DUSP15: variants seen among roughly 807,000 people sequenced by gnomAD.
The protein encoded by DUSP15 is dual specificity protein phosphatase 15.
DUSP15 carries 23 observed loss-of-function variants against 26.3 expected under a neutral mutation model. The ratio of observed to expected loss-of-function variants is 0.87; its 90% confidence interval spans 0.63 to 1.24. DUSP15 has a LOEUF of 1.24. DUSP15 is among the 50% of genes most tolerant of loss of function. The probability of loss-of-function intolerance (pLI) is 0.00; values close to 1 mark genes in which losing one functional copy is unlikely to be tolerated. For missense variants in DUSP15, 364 were observed against 320.6 expected (o/e 1.14, Z -1.03); for synonymous variants, 143 against 135.5 (o/e 1.06, Z -0.39).
chr20:31,848,445 G>A (rs753301875), exon 10 of DUSP15: 6 of 1,611,972 alleles, frequency 3.7e-6, no homozygotes, highest in African/African-American at 2.7e-5. Context: ...TTAGGATGGA[G>A]GCAGCTGCAT....
rs987868670 is a variant in DUSP15 at position 31,861,330 on chromosome 20, G to T, written c.*73C>A. On this transcript the variant is annotated 3_prime_UTR_variant, in exon 7 of 7. Coordinates refer to ENST00000339738, the MANE Select transcript of DUSP15 (RefSeq NM_080611.5). Reference sequence around the variant, plus strand: ...TCCCCCAGCCTCTGGGCCCGTCCTGGGGGGCGTGGAAGGCGCAGACAGCCC... The same window carrying T: ...TCCCCCAGCCTCTGGGCCCGTCCTGTGGGGCGTGGAAGGCGCAGACAGCCC... 6 of 1,421,042 alleles carry T rather than the reference G, an allele frequency of 4.2e-6. No individual in the cohort carries two copies. The African/African-American group carries it at 7.4e-5, about 18-fold the overall frequency. The allele number at this position is 1,421,042 out of a possible 1,614,324, so 88.0% of individuals were successfully genotyped here. A position where few individuals can be genotyped will look rare whatever the true frequency, so the allele number is the denominator to read the frequency against.
chr20:31,865,639 C>A (rs1017272704), intron 3 of DUSP15, among the ~76,000 whole-genome samples: 1 of 152,198 alleles, frequency 6.6e-6, no homozygotes, highest in Non-Finnish European at 1.5e-5. Flanking sequence ...GGGCCAGGCC[C>A]GTCACTGGCA....
intron 6 of DUSP15, chr20:31,850,734 TAAG>T: frequency 6.4e-7 from 1 of 1,561,060 alleles, no homozygotes; most frequent in South Asian, 1.2e-5. Flanking sequence ...GACCCATAGA[TAAG>T]GAGGAGGCCA....
intron 2 of DUSP15, among the ~76,000 whole-genome samples, chr20:31,869,353 C>T (rs2062857554): frequency 6.6e-6 from 1 of 152,200 alleles, no homozygotes; most frequent in South Asian, 2.1e-4. Context: ...GTGTCAGGCC[C>T]CCATGCTCCC....
At chr20:31,852,531 C>T (rs1374160041) in intron 6 of DUSP15, among the ~76,000 whole-genome samples, 1 of 152,188 alleles carries the variant, frequency 6.6e-6, no homozygotes, top group African/African-American at 2.4e-5. Flanking sequence ...GAGATGTTGG[C>T]CGGGCATGGT....
downstream of DUSP15, among the ~76,000 whole-genome samples, chr20:31,856,224 A>C (rs2062559867): frequency 6.6e-6 from 1 of 152,220 alleles, no homozygotes; most frequent in African/African-American, 2.4e-5. Flanking sequence ...TAAAGACATG[A>C]AACATTTAGA....
At chr20:31,855,436 A>G (rs1010321998) in intron 6 of DUSP15, among the ~76,000 whole-genome samples, 5 of 152,240 alleles carry the variant, frequency 3.3e-5, no homozygotes, top group Non-Finnish European at 5.9e-5. Flanking sequence ...GGTGGGGGAA[A>G]GAGCAAGAGA....
intron 6 of DUSP15, chr20:31,850,788 G>T: frequency 8.7e-7 from 1 of 1,143,004 alleles, no homozygotes; most frequent in Non-Finnish European, 1.3e-6. Flanking sequence ...AGTCCTTACT[G>T]TGGTCAACCA....
downstream of DUSP15, among the ~76,000 whole-genome samples, chr20:31,860,846 A>C (rs2062633256): frequency 6.6e-6 from 1 of 152,052 alleles, no homozygotes; most frequent in South Asian, 2.1e-4. Flanking sequence ...CAGGCGGGAC[A>C]CCGTGGCTTT....
intron 8 of DUSP15, chr20:31,849,604 C>T (rs1458445201): frequency 2.8e-6 from 4 of 1,431,738 alleles, no homozygotes; most frequent in East Asian, 2.4e-5. Flanking sequence ...TGTTGGGCTG[C>T]GCCAGTACAG....
At chr20:31,851,380 A>G (rs922741054) in intron 6 of DUSP15, among the ~76,000 whole-genome samples, 5 of 152,088 alleles carry the variant, frequency 3.3e-5, no homozygotes, top group African/African-American at 9.7e-5. Context: ...TGAGGGAGAC[A>G]GAGCTGATGG....
downstream of DUSP15, among the ~76,000 whole-genome samples, chr20:31,858,811 C>T (rs1269051326): frequency 2.0e-5 from 3 of 152,174 alleles, no homozygotes; most frequent in African/African-American, 7.2e-5. The surrounding 1 kb of genome is among the most constrained non-coding windows in gnomAD (Gnocchi z 4.4). Context: ...GAGGCAGCAA[C>T]TCGTTTCAAA....
intron 8 of DUSP15, chr20:31,849,541 C>G (rs773861003): frequency 1.1e-6 from 1 of 927,638 alleles, no homozygotes. Context: ...GTCCTACCGC[C>G]TGGAGGAAGC....
chr20:31,865,738 A>G (rs545935184), intron 3 of DUSP15, among the ~76,000 whole-genome samples: 18 of 152,308 alleles, frequency 1.2e-4, no homozygotes, highest in African/African-American at 4.3e-4. Flanking sequence ...CCCCAAGGTC[A>G]TGACATCCTG....
intron 9 of DUSP15, chr20:31,848,734 G>T: frequency 6.6e-7 from 1 of 1,518,566 alleles, no homozygotes; most frequent in Non-Finnish European, 8.9e-7. Context: ...GGGACTGGAG[G>T]GAGTGTGGGA....
At chr20:31,861,738 G>GGGGGGGGGC in intron 6 of DUSP15, 63 bp from the exon 7 acceptor site, 3 of 1,290,712 alleles carry the variant, frequency 2.3e-6, no homozygotes, top group Non-Finnish European at 2.0e-6. Flanking sequence ...AAGGCAGCCG[G>GGGGGGGGGC]CCCCGCCCCC....
Position 31,867,051 on chromosome 20 carries a change from G to C in DUSP15, c.138+20C>G. The C allele has an allele frequency of 6.4e-7, 1 of 1,565,374 alleles. No individual in the cohort carries two copies. The highest frequency in any genetic ancestry group is 1.2e-5 in the South Asian group (1 of 85,028). On this transcript the variant is annotated intron_variant, in intron 3 of 6. Coordinates refer to ENST00000339738, the MANE Select transcript of DUSP15 (RefSeq NM_080611.5). ...CACCCTCCCACCCCCGCATAGCCCT[G>C]GGATGGGGGTAAGAAGTACCTGCAG...
chr20:31,847,495 C>T (rs1002921569), downstream of DUSP15: 2 of 152,208 alleles, frequency 1.3e-5, no homozygotes, highest in East Asian at 3.8e-4. Flanking sequence ...TGATTGATTT[C>T]TGTCCTTTAT....
intron 6 of DUSP15, among the ~76,000 whole-genome samples, chr20:31,853,386 C>T (rs1201113765): frequency 6.6e-6 from 1 of 151,774 alleles, no homozygotes; most frequent in African/African-American, 2.4e-5. Flanking sequence ...AAAGTGGACT[C>T]CAGATGATTT....
Sources: allele counts gnomAD v4.1 joint callset (sites outside exome capture counted in the v4.1 genomes callset), GRCh38; gene constraint gnomAD v4.1.1; non-coding constraint Gnocchi (gnomAD v3.1); transcripts MANE v1.5; gene names NCBI Gene and HGNC (gene_info 2026-07-23, HGNC 2026-07-21).